The following BEND7 variants were observed in gnomAD, a reference collection of about 807,000 sequenced individuals.
The protein encoded by BEND7 is BEN domain-containing protein 7.
BEND7 carries 28 observed loss-of-function variants against 50.9 expected under a neutral mutation model. That is an observed-to-expected ratio of 0.55 (90% CI 0.41 to 0.75). The LOEUF (loss-of-function observed/expected upper bound fraction) is 0.75. BEND7 is among the 30% of genes least tolerant of loss of function. The pLI is 0.00. For synonymous variants in BEND7, 170 were observed against 183.9 expected (o/e 0.92, Z 0.61); for missense variants, 477 against 491.3 (o/e 0.97, Z 0.28).
rs57989684 is a variant in BEND7 at position 13,472,841 on chromosome 10, G to A, written c.1063+8058C>T. ...GCTGTTAGACTCGGGGTTGATACCC[G>A]TCATCACTGTTAGACTCGGGGTCGA... On this transcript the variant is annotated intron_variant, in intron 6 of 8. Coordinates refer to ENST00000466271, the MANE Select transcript of BEND7 (RefSeq NM_001369863.1). Among the ~76,000 whole-genome samples the A allele has an allele frequency of 2.5e-3, 373 of 150,316 alleles. 1 individual carries two copies. Among genetic ancestry groups the A allele is most frequent in the African/African-American group, 8.6e-3 (349 of 40,694 alleles).
chr10:13,470,745 T>C (rs181371345), intron 6 of BEND7, among the ~76,000 whole-genome samples: 64 of 152,276 alleles, frequency 4.2e-4, no homozygotes, highest in Non-Finnish European at 7.5e-4. Flanking sequence ...AGGTGTGGGA[T>C]GGGGCCGAGG....
intron 2 of BEND7, among the ~76,000 whole-genome samples, chr10:13,515,550 T>C (rs1336421390): frequency 2.0e-5 from 3 of 152,228 alleles, no homozygotes; most frequent in African/African-American, 7.2e-5. Context: ...CTCTCAACTT[T>C]GTAATGATTT....
chr10:13,448,067 G>A (rs1836814272), intron 7 of BEND7, among the ~76,000 whole-genome samples: 1 of 152,134 alleles, frequency 6.6e-6, no homozygotes, highest in Non-Finnish European at 1.5e-5. Flanking sequence ...TGGCATTAAC[G>A]TGGTCATGAA....
Position 13,526,185 on chromosome 10 carries a change from C to A in BEND7, c.98G>T (p.Ser33Ile), listed in dbSNP as rs1439404141. Residue 33 changes from serine to isoleucine, a missense_variant, in exon 2 of 9, where the codon AGC becomes ATC. Coordinates refer to ENST00000466271, the MANE Select transcript of BEND7 (RefSeq NM_001369863.1). Reference sequence around the variant, plus strand: ...TTTGGCCTCCCCATTAACATCGTTGCTGAATTCTGGGATCTTATACACCTC... The same window carrying A: ...TTTGGCCTCCCCATTAACATCGTTGATGAATTCTGGGATCTTATACACCTC... The part of the protein sequence containing the change: ...HHEVYKIPEF[S>I]NDVNGEAKET... 1.6e-6 allele frequency: 2 copies of A among 1,289,552 alleles called. No homozygotes were observed. The highest frequency in any genetic ancestry group is 2.0e-6 in the Non-Finnish European group (2 of 988,782). The allele number at this position is 1,289,552 out of a possible 1,614,324, so 79.9% of individuals were successfully genotyped here.
intron 4 of BEND7, among the ~76,000 whole-genome samples, chr10:13,494,222 T>C (rs910486964): frequency 6.6e-6 from 1 of 152,014 alleles, no homozygotes; most frequent in African/African-American, 2.4e-5. Flanking sequence ...ATCGAGACCA[T>C]CCTGGCCAAC....
At chr10:13,450,577 G>A (rs1335984131) in intron 7 of BEND7, among the ~76,000 whole-genome samples, 1 of 152,126 alleles carries the variant, frequency 6.6e-6, no homozygotes, top group African/African-American at 2.4e-5. Flanking sequence ...TGTCAGGGTT[G>A]GTTTTGTCTT....
At chr10:13,515,629 C>A (rs1037921631) in intron 2 of BEND7, among the ~76,000 whole-genome samples, 1 of 152,166 alleles carries the variant, frequency 6.6e-6, no homozygotes, top group African/African-American at 2.4e-5. Context: ...AGTAACCTGA[C>A]CCCCAGTGGA....
intron 2 of BEND7, among the ~76,000 whole-genome samples, chr10:13,504,187 G>A (rs187057955): frequency 3.9e-4 from 59 of 152,316 alleles, no homozygotes; most frequent in Admixed American, 2.3e-3. Context: ...TGAGCAGGCC[G>A]AGCCGTAGAA....
intron 5 of BEND7, among the ~76,000 whole-genome samples, chr10:13,482,289 AAAT>A (rs779535920): frequency 7.4e-4 from 113 of 152,304 alleles, no homozygotes; most frequent in Non-Finnish European, 1.2e-3. Flanking sequence ...GGTAGCTGTA[AAAT>A]AATAACTTTA....
chr10:13,501,646 C>T (rs866943101), intron 2 of BEND7, among the ~76,000 whole-genome samples: 3 of 151,872 alleles, frequency 2.0e-5, no homozygotes, highest in African/African-American at 2.4e-5. Context: ...CAGGAGTTTG[C>T]GACCAGCCTG....
downstream of BEND7, chr10:13,439,629 T>G: frequency 1.2e-6 from 1 of 842,956 alleles, no homozygotes; most frequent in Non-Finnish European, 1.8e-6. Flanking sequence ...AGCCAGAAAC[T>G]TGGTGTCAGC....
At chr10:13,465,700 C>A (rs748891111) in intron 6 of BEND7, among the ~76,000 whole-genome samples, 8 of 152,096 alleles carry the variant, frequency 5.3e-5, no homozygotes, top group Admixed American at 1.3e-4. Flanking sequence ...GTTAGTCAAG[C>A]CACACTTTTT....
chr10:13,505,894 A>C (rs1483585191), intron 2 of BEND7, among the ~76,000 whole-genome samples: 1 of 152,206 alleles, frequency 6.6e-6, no homozygotes, highest in African/African-American at 2.4e-5. Flanking sequence ...AATTAAAAAA[A>C]CCCTGCTTAT....
At position 13,492,738 on chromosome 10, in the gene BEND7, C is replaced by A. The variant is rs753006249; in HGVS notation, c.710G>T (p.Gly237Val). ...EPLTVKQKPS[G>V]SEMEKKSVVA... ...CACCGACTTTTTCTCCATCTCTGAC[C>A]CACTGGGCTTCTGTTTCACAGTAAG... Residue 237 changes from glycine (G) to valine (V), a missense_variant, in exon 5 of 9, where the codon GGG becomes GTG. Physicochemically the swap from Gly to Val is moderately radical, Grantham distance 109. Around this residue, in one of 3 missense-constraint regions of BEND7, gnomAD observed 396 missense variants for 384.2 expected, o/e 1.03. Transcript: ENST00000466271. 1.2e-6 allele frequency: 2 copies of A among 1,614,096 alleles called. No individual in the cohort carries two copies. Among genetic ancestry groups the A allele is most frequent in the South Asian group, 2.2e-5 (2 of 91,062 alleles).
intron 6 of BEND7, among the ~76,000 whole-genome samples, chr10:13,476,187 C>G (rs985215475): frequency 6.6e-6 from 1 of 151,942 alleles, no homozygotes; most frequent in African/African-American, 2.4e-5. Context: ...AAGAATAAAA[C>G]AAGAGGTTTT....
Position 13,459,097 on chromosome 10 carries a change from C to A in BEND7, c.1064-6439G>T, listed in dbSNP as rs140628067. Reference sequence around the variant, plus strand: ...ACAGTTGCATTTGAGCACGCAGTGACGGTACAAGAAAAATGGTTGAATGGT... The same window carrying A: ...ACAGTTGCATTTGAGCACGCAGTGAAGGTACAAGAAAAATGGTTGAATGGT... On this transcript the variant is annotated intron_variant, in intron 6 of 8. Transcript: ENST00000466271. 1.2e-3 allele frequency among the ~76,000 whole-genome samples: 176 copies of A among 152,242 alleles called. 5 individuals are homozygous for A. In the South Asian group the frequency reaches 0.03, roughly 26 times the overall value.
At chr10:13,520,574 G>A (rs1354290156) in intron 2 of BEND7, among the ~76,000 whole-genome samples, 2 of 152,122 alleles carry the variant, frequency 1.3e-5, no homozygotes, top group East Asian at 3.9e-4. Flanking sequence ...CAGCCCACGT[G>A]GGCAGATTGG....
intron 5 of BEND7, among the ~76,000 whole-genome samples, chr10:13,486,630 G>A (rs940627905): frequency 3.3e-5 from 5 of 152,322 alleles, no homozygotes; most frequent in East Asian, 3.9e-4. Context: ...TGTTGAATGG[G>A]ATAAAAATGA....
intron 2 of BEND7, among the ~76,000 whole-genome samples, chr10:13,524,295 G>T (rs950943433): frequency 2.1e-4 from 32 of 152,206 alleles, no homozygotes; most frequent in African/African-American, 7.7e-4. Flanking sequence ...TCTACTAAAG[G>T]GTAAATTCGT....
Sources: gnomAD v4.1 joint callset for allele counts (sites outside exome capture counted in the v4.1 genomes callset) on GRCh38, gnomAD v4.1.1 for gene constraint, gnomAD v4.1.1 regional missense constraint, MANE v1.5 for transcripts, NCBI Gene and HGNC (gene_info 2026-07-23, HGNC 2026-07-21) for gene names.